RGS8: variants seen among roughly 807,000 people sequenced by gnomAD.
RGS8 encodes the protein regulator of G protein signaling 8.
A neutral mutation model predicts 21.7 loss-of-function variants in RGS8; 8 were observed. The ratio of observed to expected loss-of-function variants is 0.37; its 90% confidence interval spans 0.22 to 0.66. RGS8 has a LOEUF of 0.66. Ranked by LOEUF, RGS8 falls within the 30% of genes least tolerant of loss-of-function variation. The pLI is 0.59. For missense variants in RGS8, 157 were observed against 217.9 expected (o/e 0.72, Z 1.76); for synonymous variants, 80 against 83.6 (o/e 0.96, Z 0.24).
chr1:182,742,289 A>G, the RGS8 span, among the ~76,000 whole-genome samples: 2 of 149,650 alleles, frequency 1.3e-5, no homozygotes, highest in Non-Finnish European at 3.0e-5. Context: ...CTCACATCCC[A>G]GACGATGGGT....
At chr1:182,681,921 A>T (rs1440853259) in intron 1 of RGS8, among the ~76,000 whole-genome samples, 2 of 152,238 alleles carry the variant, frequency 1.3e-5, no homozygotes, top group Non-Finnish European at 2.9e-5. Flanking sequence ...GGGAAATTCC[A>T]TACAGAGAAC....
the RGS8 span, among the ~76,000 whole-genome samples, chr1:182,693,312 A>G: frequency 6.6e-6 from 1 of 152,242 alleles, no homozygotes. Flanking sequence ...GGCAAAGGAC[A>G]TGAACAGACA....
At chr1:182,695,212 CG>C in the RGS8 span, among the ~76,000 whole-genome samples, 1 of 152,152 alleles carries the variant, frequency 6.6e-6, no homozygotes, top group South Asian at 2.1e-4. Context: ...TCTGCTAAAG[CG>C]GTTAGTCTTT....
At chr1:182,686,667 G>A (rs1224020452), upstream of RGS8, among the ~76,000 whole-genome samples, 5 of 152,184 alleles carry the variant, frequency 3.3e-5, no homozygotes, top group Non-Finnish European at 5.9e-5. Context: ...GTTTGCCTGA[G>A]CTCTGTTGAT....
the RGS8 span, among the ~76,000 whole-genome samples, chr1:182,710,123 T>C: frequency 6.6e-6 from 1 of 152,186 alleles, no homozygotes; most frequent in Non-Finnish European, 1.5e-5. Context: ...AGGTGTGGTA[T>C]GAGACCTAAA....
At chr1:182,693,172 C>T in the RGS8 span, among the ~76,000 whole-genome samples, 1 of 152,148 alleles carries the variant, frequency 6.6e-6, no homozygotes, top group Admixed American at 6.5e-5. Context: ...CAACTATCAA[C>T]AGGATAAACA....
At chr1:182,751,107 T>C in the RGS8 span, among the ~76,000 whole-genome samples, 1 of 152,172 alleles carries the variant, frequency 6.6e-6, no homozygotes, top group African/African-American at 2.4e-5. Flanking sequence ...AGGTGGGCTA[T>C]GATATGGGGG....
chr1:182,705,383 A>G, the RGS8 span, among the ~76,000 whole-genome samples: 7 of 152,192 alleles, frequency 4.6e-5, no homozygotes, highest in Non-Finnish European at 8.8e-5. Context: ...CTGTCCACCA[A>G]CATGGGAGAG....
chr1:182,729,679 C>T, the RGS8 span, among the ~76,000 whole-genome samples: 1 of 151,946 alleles, frequency 6.6e-6, no homozygotes, highest in East Asian at 1.9e-4. Flanking sequence ...GATTTAATAC[C>T]ATTTTCAGCT....
chr1:182,692,474 T>A, the RGS8 span, among the ~76,000 whole-genome samples: 1 of 151,840 alleles, frequency 6.6e-6, no homozygotes, highest in African/African-American at 2.4e-5. Context: ...AAATCATAGA[T>A]GATACAAACA....
In RGS8 at chr1:182,649,905, C is replaced by CTTTTT. The variant is rs920729497; in HGVS notation, c.194-1607_194-1603dup. ...CCAGAAGAACAAAATGTTAACAACTCTTTTTTTTTTTTTTTTTGGGTGGGG... is the reference window on the plus strand; with the variant it reads ...CCAGAAGAACAAAATGTTAACAACTCTTTTTTTTTTTTTTTTTTTTTTGGGTGGGG... On this transcript the variant is annotated intron_variant, in intron 5 of 6. Coordinates refer to ENST00000483095, the Ensembl canonical transcript of RGS8. Among the ~76,000 whole-genome samples, 225 of 128,494 alleles carry CTTTTT rather than the reference C, an allele frequency of 1.8e-3. 3 individuals carry two copies. The highest frequency in any genetic ancestry group is 6.0e-3 in the African/African-American group (206 of 34,426). 84.3% of individuals were successfully genotyped at this position (128,494 alleles called of 152,430 possible).
At chr1:182,740,970 G>C in the RGS8 span, among the ~76,000 whole-genome samples, 1 of 152,028 alleles carries the variant, frequency 6.6e-6, no homozygotes, top group East Asian at 1.9e-4. Flanking sequence ...ACACAGACAC[G>C]GCAACCATCC....
the RGS8 span, among the ~76,000 whole-genome samples, chr1:182,742,331 C>G: frequency 1.3e-5 from 2 of 150,830 alleles, no homozygotes; most frequent in South Asian, 2.1e-4. Context: ...ACTTCCCAGA[C>G]GGGGTGGCGG....
the RGS8 span, among the ~76,000 whole-genome samples, chr1:182,742,273 G>C: frequency 5.5e-4 from 83 of 150,510 alleles, no homozygotes; most frequent in African/African-American, 2.0e-3. Context: ...CCAGGCAGAG[G>C]GGCTCCTCAC....
At chr1:182,669,727 G>A (rs1422031694) in exon 3 of RGS8, 9 of 1,608,090 alleles carry the variant, frequency 5.6e-6, no homozygotes, top group Non-Finnish European at 6.8e-6. Flanking sequence ...CGGGGCTCAG[G>A]AATTTACCCT....
upstream of RGS8, among the ~76,000 whole-genome samples, chr1:182,685,198 C>T (rs1016579690): frequency 2.0e-5 from 3 of 152,198 alleles, no homozygotes; most frequent in Non-Finnish European, 4.4e-5. Context: ...CGACCACCTG[C>T]CCATCCTGTG....
the RGS8 span, among the ~76,000 whole-genome samples, chr1:182,750,723 A>G: frequency 6.6e-6 from 1 of 151,980 alleles, no homozygotes; most frequent in African/African-American, 2.4e-5. Flanking sequence ...GAAGTAGGCA[A>G]AGAAGAACAA....
chr1:182,737,447 T>C, the RGS8 span, among the ~76,000 whole-genome samples: 1 of 152,050 alleles, frequency 6.6e-6, no homozygotes, highest in Non-Finnish European at 1.5e-5. Flanking sequence ...AGGGACCCAA[T>C]AGGAGGTAGT....
intron 5 of RGS8, among the ~76,000 whole-genome samples, chr1:182,661,508 G>T (rs1663584616): frequency 6.6e-6 from 1 of 151,840 alleles, no homozygotes; most frequent in Non-Finnish European, 1.5e-5. Context: ...AAGGACAGAG[G>T]GAGGCAAGAA....
Sources: gnomAD v4.1 joint callset for allele counts (sites outside exome capture counted in the v4.1 genomes callset) on GRCh38, gnomAD v4.1.1 for gene constraint, MANE v1.5 for transcripts, NCBI Gene and HGNC (gene_info 2026-07-23, HGNC 2026-07-21) for gene names.